Variants in HMGXB3 observed in about 807,000 individuals in gnomAD.
HMGXB3 encodes HMG domain-containing protein 3.
HMGXB3 carries 45 observed loss-of-function variants against 121.5 expected under a neutral mutation model. That is an observed-to-expected ratio of 0.37 (90% CI 0.29 to 0.47). The LOEUF (loss-of-function observed/expected upper bound fraction) is 0.47. Among genes scored for constraint, HMGXB3 ranks in the 20% least tolerant of loss-of-function variants. The probability of loss-of-function intolerance (pLI) is 0.99; values close to 1 mark genes in which losing one functional copy is unlikely to be tolerated. For synonymous variants in HMGXB3, 590 were observed against 624.1 expected (o/e 0.95, Z 0.81); for missense variants, 1,376 against 1,602.2 (o/e 0.86, Z 2.41).
chr5:150,037,871 G>A (rs1037151277), intron 13 of HMGXB3, among the ~76,000 whole-genome samples: 3 of 152,222 alleles, frequency 2.0e-5, no homozygotes, highest in African/African-American at 7.2e-5. Context: ...TTATTCATCT[G>A]TGCAGAATAT....
chr5:150,030,667 G>A (rs1433885030), intron 9 of HMGXB3, 74 bp from the exon 10 acceptor site: 5 of 1,103,386 alleles, frequency 4.5e-6, no homozygotes, highest in African/African-American at 1.6e-5. Context: ...ATTCCCTCAA[G>A]TCGTTTCAGG....
At chr5:150,009,373 A>T (rs1205218162) in intron 3 of HMGXB3, among the ~76,000 whole-genome samples, 1 of 152,238 alleles carries the variant, frequency 6.6e-6, no homozygotes, top group Admixed American at 6.5e-5. Context: ...AAATCAGATA[A>T]TGTGTTTGAA....
chr5:150,038,871 T>A (rs1489367475), intron 13 of HMGXB3, among the ~76,000 whole-genome samples: 2 of 152,230 alleles, frequency 1.3e-5, no homozygotes, highest in Non-Finnish European at 2.9e-5. Context: ...TTGCTACCGG[T>A]GTTTGGCAGT....
At chr5:150,030,572 C>T (rs952032553) in intron 9 of HMGXB3, 169 bp from the exon 10 acceptor site, 10 of 593,806 alleles carry the variant, frequency 1.7e-5, no homozygotes, top group African/African-American at 1.7e-4. Context: ...GAACATGACA[C>T]TCAGCCTTTG....
At chr5:150,011,188 A>G (rs868648599) in intron 4 of HMGXB3, among the ~76,000 whole-genome samples, 5 of 152,330 alleles carry the variant, frequency 3.3e-5, no homozygotes, top group South Asian at 4.1e-4. Context: ...CAGATGGGGT[A>G]GGAAGAAAAA....
At chr5:150,018,313 T>C (rs1244990680) in intron 5 of HMGXB3, among the ~76,000 whole-genome samples, 3 of 152,246 alleles carry the variant, frequency 2.0e-5, no homozygotes, top group Non-Finnish European at 4.4e-5. Flanking sequence ...ATAGCAACTA[T>C]CACTTTCTTC....
Position 150,050,311 on chromosome 5 carries a change from G to A in HMGXB3, c.3261G>A (p.Leu1087=), listed in dbSNP as rs1756860035. 2.6e-6 allele frequency: 4 copies of A among 1,551,756 alleles called. No homozygotes were observed. The highest frequency in any genetic ancestry group is 3.5e-6 in the Non-Finnish European group (4 of 1,147,012). Residue 1087 remains leucine, a synonymous_variant, in exon 19 of 20, where the codon CTG becomes CTA. Transcript: ENST00000502717. Reference sequence around the variant, plus strand: ...AGAGTGCCCGTGACCATGTGGACCTGCTTGCCTCTTCCCGCCACTGGCCGC... The same window carrying A: ...AGAGTGCCCGTGACCATGTGGACCTACTTGCCTCTTCCCGCCACTGGCCGC... The part of the protein sequence containing the change: ...RGESARDHVD[L]LASSRHWPPV...
chr5:150,026,914 C>G, intron 8 of HMGXB3, 33 bp downstream of exon 8: 2 of 1,510,538 alleles, frequency 1.3e-6, no homozygotes, highest in East Asian at 4.9e-5. Flanking sequence ...GATGGAGGGG[C>G]TGTCTGACAG....
intron 5 of HMGXB3, among the ~76,000 whole-genome samples, chr5:150,013,407 G>A (rs186756690): frequency 5.1e-4 from 78 of 152,268 alleles, no homozygotes; most frequent in African/African-American, 1.7e-3. Context: ...AACCACCCTT[G>A]TATTCCTGGG....
rs1581248356 is a variant in HMGXB3, at chr5:150,012,249, C to A, written c.811-6C>A. Reference sequence around the variant, plus strand: ...GTGAAACTGTCCTTCTCTTCATTGCCCATAGGATTCCAGTGAGAGTAGCTC... The same window carrying A: ...GTGAAACTGTCCTTCTCTTCATTGCACATAGGATTCCAGTGAGAGTAGCTC... On this transcript the variant is annotated splice_region_variant and splice_polypyrimidine_tract_variant and intron_variant, in intron 4 of 19. Transcript: ENST00000502717. 1 of 1,547,132 alleles carries A rather than the reference C, an allele frequency of 6.5e-7. No individual in the cohort carries two copies. The highest frequency in any genetic ancestry group is 8.8e-7 in the Non-Finnish European group (1 of 1,142,488).
At chr5:150,048,505 T>G (rs1581268324) in intron 17 of HMGXB3, 64 bp from the exon 18 acceptor site, 2 of 1,108,258 alleles carry the variant, frequency 1.8e-6, no homozygotes, top group East Asian at 5.1e-5. Context: ...TGTGTGATGC[T>G]GAGCACCAGC....
intron 19 of HMGXB3, 97 bp from the exon 20 acceptor site, chr5:150,051,628 C>G: frequency 1.0e-5 from 10 of 995,306 alleles, no homozygotes; most frequent in Non-Finnish European, 1.3e-5. Context: ...TGTTAGGATT[C>G]AAAGAGGGCT....
chr5:150,005,665 T>C (rs1755684794), intron 2 of HMGXB3, among the ~76,000 whole-genome samples: 1 of 151,914 alleles, frequency 6.6e-6, no homozygotes, highest in East Asian at 1.9e-4. Flanking sequence ...CAATTATATC[T>C]GTACAGAATA....
intron 15 of HMGXB3, among the ~76,000 whole-genome samples, chr5:150,042,878 A>G (rs777345310): frequency 3.3e-5 from 5 of 152,248 alleles, no homozygotes; most frequent in Admixed American, 6.5e-5. Context: ...AAAAGTGGGC[A>G]TGTTTCCCCA....
At chr5:150,028,497 ATG>A (rs1163846771) in intron 9 of HMGXB3, among the ~76,000 whole-genome samples, 2 of 66,458 alleles carry the variant, frequency 3.0e-5, no homozygotes, top group Admixed American at 1.8e-4. Context: ...ATGTATATAT[ATG>A]TATGTATGTG....
chr5:150,010,514 C>A lies in HMGXB3; in HGVS notation c.716C>A (p.Thr239Asn). Residue 239 changes from threonine to asparagine, a missense_variant, in exon 4 of 20, where the codon ACC (threonine) becomes AAC (asparagine). This residue lies in a region of HMGXB3 where 1,116 missense variants were observed against 1,369.0 expected (regional missense o/e 0.82). Transcript: ENST00000502717. Reference protein sequence around the residue: ...PYQTSLVIEETLVNGSPDLPT... With the variant: ...PYQTSLVIEENLVNGSPDLPT... ...CAGACAAGCCTGGTAATTGAAGAGA[C>A]CTTGGTGAATGGCTCACCAGACCTC... The A allele has an allele frequency of 6.4e-7, 1 of 1,551,638 alleles. No individual in the cohort carries two copies. Among genetic ancestry groups the A allele is most frequent in the African/African-American group, 1.4e-5 (1 of 73,184 alleles).
Position 150,036,920 on chromosome 5 carries a change from A to T in HMGXB3, c.2268A>T (p.Leu756Phe). 2 of 1,551,044 alleles carry T rather than the reference A, an allele frequency of 1.3e-6. No individual in the cohort carries two copies. The highest frequency in any genetic ancestry group is 1.7e-6 in the Non-Finnish European group (2 of 1,146,660). Reference sequence around the variant, plus strand: ...AGTGCCTTCTCTGTAGCAGCCCATTATTCAAAGGGGGACAAAAGTAAGCAC... The same window carrying T: ...AGTGCCTTCTCTGTAGCAGCCCATTTTTCAAAGGGGGACAAAAGTAAGCAC... ...STQCLLCSSP[L>F]FKGGQNSLAG... Residue 756 changes from leucine (L) to phenylalanine (F), a missense_variant, in exon 12 of 20, where the codon TTA (leucine) becomes TTT (phenylalanine). Around this residue, in one of 2 missense-constraint regions of HMGXB3, gnomAD observed 1,116 missense variants for 1,369.0 expected, o/e 0.82. Coordinates refer to ENST00000502717, the MANE Select transcript of HMGXB3 (RefSeq NM_014983.3).
chr5:150,047,568 T>C, intron 16 of HMGXB3, 56 bp from the exon 17 acceptor site: 1 of 1,547,188 alleles, frequency 6.5e-7, no homozygotes, highest in Admixed American at 2.0e-5. Flanking sequence ...GGGCCTAGCC[T>C]TGGCCTCTGG....
At chr5:150,050,583 G>A in intron 19 of HMGXB3, 122 bp downstream of exon 19, 1 of 725,270 alleles carries the variant, frequency 1.4e-6, no homozygotes, top group Non-Finnish European at 2.3e-6. Flanking sequence ...CCAGGTTCAA[G>A]CAGTTCTCGT....
Sources: gnomAD v4.1 joint callset for allele counts (sites outside exome capture counted in the v4.1 genomes callset) on GRCh38, gnomAD v4.1.1 for gene constraint, gnomAD v4.1.1 regional missense constraint, MANE v1.5 for transcripts, NCBI Gene and HGNC (gene_info 2026-07-23, HGNC 2026-07-21) for gene names.